The following SLC24A3 variants were observed in gnomAD, a reference collection of about 807,000 sequenced individuals.
SLC24A3 encodes sodium/potassium/calcium exchanger 3.
Under a neutral mutation model 75.8 loss-of-function variants are expected in SLC24A3, and 28 were observed. The observed-to-expected ratio is 0.37, with a 90% CI of 0.27 to 0.51. The LOEUF (loss-of-function observed/expected upper bound fraction) is 0.51, where lower values mean the gene tolerates loss of function less well. Among genes scored for constraint, SLC24A3 ranks in the 20% least tolerant of loss-of-function variants. SLC24A3 has a pLI of 0.94. For synonymous variants in SLC24A3, 372 were observed against 334.1 expected (o/e 1.11, Z -1.24); for missense variants, 663 against 847.8 (o/e 0.78, Z 2.71).
intron 1 of SLC24A3, among the ~76,000 whole-genome samples, chr20:19,219,554 G>A (rs979431425): frequency 6.6e-6 from 1 of 152,128 alleles, no homozygotes; most frequent in African/African-American, 2.4e-5. Flanking sequence ...ATACAGCATG[G>A]CATGGAGGAG....
chr20:19,669,481 G>A (rs1342312474), intron 8 of SLC24A3, among the ~76,000 whole-genome samples: 1 of 150,982 alleles, frequency 6.6e-6, no homozygotes, highest in African/African-American at 2.4e-5. Context: ...CAGCCTGGGT[G>A]ACCGAGCAAG....
At chr20:19,588,621 T>C (rs1335380451) in intron 6 of SLC24A3, among the ~76,000 whole-genome samples, 1 of 152,246 alleles carries the variant, frequency 6.6e-6, no homozygotes, top group Non-Finnish European at 1.5e-5. Flanking sequence ...TTGGCATCAC[T>C]TCAAGACATT....
At chr20:19,312,591 A>AGT (rs1244020851) in intron 2 of SLC24A3, among the ~76,000 whole-genome samples, 13 of 152,312 alleles carry the variant, frequency 8.5e-5, no homozygotes, top group African/African-American at 3.1e-4. Context: ...TTCATTCACA[A>AGT]GTATATATAT....
At chr20:19,519,828 T>C (rs945756846) in intron 3 of SLC24A3, among the ~76,000 whole-genome samples, 2 of 152,250 alleles carry the variant, frequency 1.3e-5, no homozygotes, top group African/African-American at 4.8e-5. Context: ...TAGCTGAATC[T>C]GGGAGATTAT....
intron 3 of SLC24A3, among the ~76,000 whole-genome samples, chr20:19,565,710 C>T (rs1303046992): frequency 6.6e-6 from 1 of 152,172 alleles, no homozygotes; most frequent in African/African-American, 2.4e-5. Flanking sequence ...TTCCCTCTCA[C>T]ACTAAATGGC....
chr20:19,414,003 G>A (rs1986788446), intron 2 of SLC24A3, among the ~76,000 whole-genome samples: 1 of 152,092 alleles, frequency 6.6e-6, no homozygotes, highest in African/African-American at 2.4e-5. Context: ...TAGATACCCA[G>A]GTAAAGGACA....
chr20:19,568,833 T>G (rs1468915124), intron 3 of SLC24A3, among the ~76,000 whole-genome samples: 1 of 152,218 alleles, frequency 6.6e-6, no homozygotes, highest in Non-Finnish European at 1.5e-5. Flanking sequence ...ATACAATATT[T>G]GTATATGTTG....
chr20:19,223,182 C>T (rs565768790), intron 1 of SLC24A3, among the ~76,000 whole-genome samples: 1 of 152,246 alleles, frequency 6.6e-6, no homozygotes, highest in South Asian at 2.1e-4. Flanking sequence ...ATCCCAGCTA[C>T]TCAGGAGGCT....
chr20:19,562,733 GC>G (rs1322619293), intron 3 of SLC24A3, among the ~76,000 whole-genome samples: 1 of 152,120 alleles, frequency 6.6e-6, no homozygotes, highest in Non-Finnish European at 1.5e-5. Flanking sequence ...CTCAGATTGG[GC>G]CCCTAACCCA....
At chr20:19,337,743 C>G (rs1175230289) in intron 2 of SLC24A3, among the ~76,000 whole-genome samples, 1 of 152,168 alleles carries the variant, frequency 6.6e-6, no homozygotes, top group Non-Finnish European at 1.5e-5. Flanking sequence ...AGTTATGTTG[C>G]TCTGGGCCAG....
At chr20:19,492,312 C>T (rs185593852) in intron 2 of SLC24A3, among the ~76,000 whole-genome samples, 1 of 152,330 alleles carries the variant, frequency 6.6e-6, no homozygotes, top group Admixed American at 6.5e-5. Context: ...GTCTCTGCCA[C>T]TTATGAGTCA....
chr20:19,278,375 T>G (rs1983553419), intron 1 of SLC24A3, among the ~76,000 whole-genome samples: 1 of 152,192 alleles, frequency 6.6e-6, no homozygotes. Context: ...TTCTACCGAT[T>G]CTTCTTAGGA....
intron 2 of SLC24A3, among the ~76,000 whole-genome samples, chr20:19,350,221 T>C (rs546470053): frequency 1.7e-3 from 266 of 152,372 alleles, no homozygotes; most frequent in Non-Finnish European, 2.8e-3. Context: ...TTTCATTTTG[T>C]TCTGTAGTTG....
chr20:19,282,349 C>G (rs1983690138), intron 2 of SLC24A3, among the ~76,000 whole-genome samples: 2 of 152,266 alleles, frequency 1.3e-5, no homozygotes, highest in Non-Finnish European at 2.9e-5. Flanking sequence ...CTATGTTCCT[C>G]AACCTGGAGA....
chr20:19,228,123 C>T (rs1403854854), intron 1 of SLC24A3, among the ~76,000 whole-genome samples: 2 of 152,052 alleles, frequency 1.3e-5, no homozygotes, highest in African/African-American at 4.8e-5. Flanking sequence ...TAAAATATTG[C>T]TTCTTTATAT....
chr20:19,253,259 G>A lies in SLC24A3; in HGVS notation c.143-27700G>A, dbSNP rs529748353. Among the ~76,000 whole-genome samples the A allele has an allele frequency of 4.6e-5, 7 of 152,316 alleles. No individual in the cohort carries two copies. In the East Asian group the frequency reaches 9.7e-4, roughly 21 times the overall value. ...ATCCTGGAAATTTCAACCAGGGAGT[G>A]CAAATGACCTGCCACGCTTGGTTGC... On this transcript the variant is annotated intron_variant, in intron 1 of 16. Coordinates refer to ENST00000328041, the MANE Select transcript of SLC24A3 (RefSeq NM_020689.4).
chr20:19,584,994 G>A lies in SLC24A3; in HGVS notation c.447G>A (p.Val149=). 1 of 1,613,864 alleles carries A rather than the reference G, an allele frequency of 6.2e-7. No homozygotes were observed. The highest frequency in any genetic ancestry group is 8.5e-7 in the Non-Finnish European group (1 of 1,179,768). The stretch of plus-strand genomic sequence containing the variant: ...AGCGCCTGCACCTCAGTGAAGATGT[G>A]GCTGGGGCCACATTCATGGCAGCGG... The part of the protein sequence containing the change: ...ICERLHLSED[V]AGATFMAAGS... Residue 149 remains valine, a synonymous_variant, in exon 5 of 17, where the codon GTG becomes GTA. Coordinates refer to ENST00000328041, the MANE Select transcript of SLC24A3 (RefSeq NM_020689.4).
At chr20:19,553,742 A>G (rs763158563) in intron 3 of SLC24A3, among the ~76,000 whole-genome samples, 4 of 152,200 alleles carry the variant, frequency 2.6e-5, no homozygotes, top group Non-Finnish European at 5.9e-5. Flanking sequence ...ACTGAGGAGC[A>G]AGAGGGCATG....
At chr20:19,481,491 C>T (rs1428985959) in intron 2 of SLC24A3, among the ~76,000 whole-genome samples, 1 of 152,134 alleles carries the variant, frequency 6.6e-6, no homozygotes, top group Non-Finnish European at 1.5e-5. Context: ...AATTCCATCC[C>T]ATGAATAGGA....
Sources: gnomAD v4.1 joint callset for allele counts (sites outside exome capture counted in the v4.1 genomes callset) on GRCh38, gnomAD v4.1.1 for gene constraint, MANE v1.5 for transcripts, NCBI Gene and HGNC (gene_info 2026-07-23, HGNC 2026-07-21) for gene names.